The following PAPSS1 variants were observed in gnomAD, a reference collection of about 807,000 sequenced individuals.
PAPSS1 encodes the protein 3'-phosphoadenosine 5'-phosphosulfate synthase 1, also known as bifunctional 3'-phosphoadenosine 5'-phosphosulfate synthase 1.
PAPSS1 carries 50 observed loss-of-function variants against 72.0 expected under a neutral mutation model. The observed-to-expected ratio is 0.69, with a 90% CI of 0.55 to 0.88. The LOEUF (loss-of-function observed/expected upper bound fraction) is 0.88. Among genes scored for constraint, PAPSS1 ranks in the 40% least tolerant of loss-of-function variants. The pLI is 0.00. For synonymous variants in PAPSS1, 261 were observed against 263.6 expected (o/e 0.99, Z 0.09); for missense variants, 657 against 782.2 (o/e 0.84, Z 1.91).
At chr4:107,672,675 T>A (rs977948439) in intron 5 of PAPSS1, among the ~76,000 whole-genome samples, 6 of 152,158 alleles carry the variant, frequency 3.9e-5, no homozygotes, top group African/African-American at 1.4e-4. Context: ...AGCAGAAACC[T>A]CTGCAGACTT....
intron 5 of PAPSS1, among the ~76,000 whole-genome samples, chr4:107,674,722 G>C (rs1052823810): frequency 6.6e-6 from 1 of 151,906 alleles, no homozygotes; most frequent in Non-Finnish European, 1.5e-5. Context: ...CAAATCAACA[G>C]AATATACATT....
chr4:107,674,165 T>C (rs550411755), intron 5 of PAPSS1, among the ~76,000 whole-genome samples: 2 of 152,138 alleles, frequency 1.3e-5, no homozygotes, highest in Non-Finnish European at 2.9e-5. Flanking sequence ...AATGACAGGA[T>C]CAAATTCACA....
intron 5 of PAPSS1, among the ~76,000 whole-genome samples, chr4:107,663,443 G>T (rs1194471912): frequency 6.6e-6 from 1 of 152,148 alleles, no homozygotes; most frequent in Non-Finnish European, 1.5e-5. Context: ...GTGACTTAAA[G>T]TACCTGAAGA....
intron 1 of PAPSS1, among the ~76,000 whole-genome samples, chr4:107,713,902 C>T (rs1313120014): frequency 6.6e-6 from 1 of 152,182 alleles, no homozygotes; most frequent in Non-Finnish European, 1.5e-5. Flanking sequence ...AATTTCTCTA[C>T]ATAATGTCTG....
intron 4 of PAPSS1, among the ~76,000 whole-genome samples, chr4:107,682,542 T>C (rs1328004446): frequency 6.6e-6 from 1 of 152,202 alleles, no homozygotes; most frequent in Admixed American, 6.5e-5. Context: ...ATAAATTTTG[T>C]CAAGTAGGCA....
intron 10 of PAPSS1, among the ~76,000 whole-genome samples, chr4:107,632,819 T>C (rs1254871524): frequency 6.6e-6 from 1 of 152,186 alleles, no homozygotes; most frequent in Non-Finnish European, 1.5e-5. Context: ...ATTTAATAAT[T>C]TATAAAACCA....
intron 9 of PAPSS1, among the ~76,000 whole-genome samples, chr4:107,646,306 TATATAC>T (rs749742423): frequency 1.7e-4 from 21 of 123,428 alleles, no homozygotes; most frequent in Admixed American, 3.1e-4. Context: ...TATATATATA[TATATAC>T]ACACACACAC....
intron 5 of PAPSS1, among the ~76,000 whole-genome samples, chr4:107,676,476 AG>A (rs1251477160): frequency 6.6e-6 from 1 of 152,196 alleles, no homozygotes; most frequent in Non-Finnish European, 1.5e-5. Flanking sequence ...CCAGCTTACA[AG>A]GGATGTGAAA....
chr4:107,657,136 C>G (rs897047344), intron 6 of PAPSS1, 129 bp from the exon 7 acceptor site: 2 of 614,770 alleles, frequency 3.3e-6, no homozygotes, highest in Admixed American at 2.9e-5. Context: ...ATAGATTATA[C>G]CAAACTAACA....
Position 107,720,168 on chromosome 4 carries a change from G to A in PAPSS1, c.12C>T (p.Pro4=), listed in dbSNP as rs748786832. ...GTTTGACTTTCTTGCACAGGCTCCC[G>A]GGGATCTCCATGACCGCGGAGCGCG... is the stretch of plus-strand genomic sequence containing the variant. MEI[P]GSLCKKVKLS... Residue 4 remains proline (P), a synonymous_variant, in exon 1 of 12, where the codon CCC becomes CCT. Transcript: ENST00000265174. 3 of 1,604,064 alleles carry A rather than the reference G, an allele frequency of 1.9e-6. No individual in the cohort carries two copies. The highest frequency in any genetic ancestry group is 1.7e-5 in the Admixed American group (1 of 59,260).
chr4:107,673,326 A>G (rs1023920937), intron 5 of PAPSS1, among the ~76,000 whole-genome samples: 1 of 151,984 alleles, frequency 6.6e-6, no homozygotes, highest in Non-Finnish European at 1.5e-5. Context: ...AAAATTAGAC[A>G]AATGGCTAAC....
chr4:107,717,911 C>A (rs1723679317), intron 1 of PAPSS1, among the ~76,000 whole-genome samples: 1 of 152,200 alleles, frequency 6.6e-6, no homozygotes, highest in Non-Finnish European at 1.5e-5. Flanking sequence ...CCCACTGCCA[C>A]CTTACCCCAG....
chr4:107,620,078 T>C (rs1013052920), intron 11 of PAPSS1, among the ~76,000 whole-genome samples: 1 of 152,222 alleles, frequency 6.6e-6, no homozygotes. Context: ...GTTGCTCACA[T>C]GGACAAGAGC....
chr4:107,712,334 A>G (rs1723515090), intron 1 of PAPSS1, among the ~76,000 whole-genome samples: 1 of 152,202 alleles, frequency 6.6e-6, no homozygotes, highest in African/African-American at 2.4e-5. Context: ...ATACATAGGT[A>G]AATAAAGAAA....
intron 3 of PAPSS1, among the ~76,000 whole-genome samples, chr4:107,692,778 GTATA>G (rs148086345): frequency 1.2e-4 from 18 of 146,938 alleles, no homozygotes; most frequent in Admixed American, 3.4e-4. Flanking sequence ...AACACGGTGT[GTATA>G]TATATATATA....
chr4:107,628,597 A>T (rs543477721), intron 11 of PAPSS1, among the ~76,000 whole-genome samples: 1 of 152,312 alleles, frequency 6.6e-6, no homozygotes, highest in Admixed American at 6.5e-5. Context: ...AATGTAAATT[A>T]AAAAAATTAT....
At chr4:107,705,975 A>C (rs906445246) in intron 1 of PAPSS1, among the ~76,000 whole-genome samples, 3 of 152,218 alleles carry the variant, frequency 2.0e-5, no homozygotes, top group African/African-American at 7.2e-5. Context: ...CACTTTGAAC[A>C]TGTCAACCCA....
intron 10 of PAPSS1, among the ~76,000 whole-genome samples, chr4:107,633,690 C>G: frequency 6.6e-6 from 1 of 151,802 alleles, no homozygotes; most frequent in East Asian, 1.9e-4. Context: ...GAGGCTGAGG[C>G]GGGCAGATCA....
intron 1 of PAPSS1, among the ~76,000 whole-genome samples, chr4:107,714,816 A>G (rs1031908051): frequency 2.0e-5 from 3 of 152,178 alleles, no homozygotes; most frequent in Non-Finnish European, 2.9e-5. Flanking sequence ...TCAAAATTCA[A>G]TGTAACACAC....
Sources: allele counts gnomAD v4.1 joint callset (sites outside exome capture counted in the v4.1 genomes callset), GRCh38; gene constraint gnomAD v4.1.1; transcripts MANE v1.5; gene names NCBI Gene and HGNC (gene_info 2026-07-23, HGNC 2026-07-21).